Variants in BMPR2 observed in about 807,000 individuals in gnomAD.
The protein encoded by BMPR2 is bone morphogenetic protein receptor type 2.
In BMPR2, 29 loss-of-function variants were observed where a neutral mutation model predicts 100.8. The ratio of observed to expected loss-of-function variants is 0.29; its 90% CI spans 0.21 to 0.39. The LOEUF (loss-of-function observed/expected upper bound fraction) is 0.39, where lower values mean the gene tolerates loss of function less well. Among genes scored for constraint, BMPR2 ranks in the 10% least tolerant of loss-of-function variants. The pLI is 1.00. For missense variants in BMPR2, 1,011 were observed against 1,274.5 expected (o/e 0.79, Z 3.15); for synonymous variants, 382 against 442.3 (o/e 0.86, Z 1.71).
At chr2:202,400,100 C>T (rs1363979631) in intron 1 of BMPR2, among the ~76,000 whole-genome samples, 2 of 151,596 alleles carry the variant, frequency 1.3e-5, no homozygotes, top group Admixed American at 6.6e-5. Context: ...GGTGACGGAG[C>T]GAGACCCTGT....
intron 1 of BMPR2, among the ~76,000 whole-genome samples, chr2:202,458,862 A>G (rs1329264971): frequency 6.6e-6 from 1 of 152,196 alleles, no homozygotes; most frequent in Admixed American, 6.5e-5. Context: ...TTATAGAGTT[A>G]GTTTGAAAAG....
At position 202,531,128 on chromosome 2, in the gene BMPR2, C is replaced by T. The variant is rs143140089; in HGVS notation, c.1128+174C>T. Among the ~76,000 whole-genome samples the T allele has an allele frequency of 5.3e-5, 8 of 152,250 alleles. No homozygotes were observed. The East Asian group carries it at 1.4e-3, about 26-fold the overall frequency. ...GACCAGCTTGGCCAACATGGCGAAA[C>T]CCCGTCTCTACTAAAAATACAAAAA... On this transcript the variant is annotated intron_variant, in intron 8 of 12. Transcript: ENST00000374580.
intron 1 of BMPR2, among the ~76,000 whole-genome samples, chr2:202,449,634 T>A (rs1691937964): frequency 6.6e-6 from 1 of 152,200 alleles, no homozygotes; most frequent in Non-Finnish European, 1.5e-5. Flanking sequence ...ATGAGCTTCC[T>A]TGGTTAAACA....
At chr2:202,493,426 T>G (rs1692951181) in intron 3 of BMPR2, among the ~76,000 whole-genome samples, 1 of 152,130 alleles carries the variant, frequency 6.6e-6, no homozygotes, top group South Asian at 2.1e-4. Context: ...TATTTAATGG[T>G]GTTTTCTTTA....
intron 1 of BMPR2, among the ~76,000 whole-genome samples, chr2:202,445,497 G>T (rs913221567): frequency 1.3e-4 from 20 of 149,944 alleles, no homozygotes; most frequent in Admixed American, 1.3e-3. Flanking sequence ...AAAGTGCTGG[G>T]ATTACAGGGG....
chr2:202,519,456 C>G (rs560730082), intron 6 of BMPR2, among the ~76,000 whole-genome samples: 2 of 152,334 alleles, frequency 1.3e-5, no homozygotes, highest in South Asian at 2.1e-4. Flanking sequence ...TGCTGACTCA[C>G]AAACTGGATT....
At chr2:202,396,468 A>G (rs953863696) in intron 1 of BMPR2, among the ~76,000 whole-genome samples, 1 of 152,170 alleles carries the variant, frequency 6.6e-6, no homozygotes, top group East Asian at 1.9e-4. Context: ...GCTCAATGAT[A>G]CTGTTTAGGG....
chr2:202,534,191 C>T (rs1402253587), intron 9 of BMPR2, among the ~76,000 whole-genome samples: 1 of 147,380 alleles, frequency 6.8e-6, no homozygotes, highest in African/African-American at 2.5e-5. Context: ...TATACACACA[C>T]ACACACATAT....
At position 202,376,390 on chromosome 2, in the gene BMPR2, G is replaced by A. The variant is rs1024375902; in HGVS notation, c.-1085G>A. ...GAAGTGCCTCCCGGAGGGACGCAGG[G>A]TGTCTCGCCGCCTCCCTGCCCACCC... On this transcript the variant is annotated 5_prime_UTR_variant, in exon 1 of 13. It adds an upstream start codon to the 5' untranslated region. Transcript: ENST00000374580. Among the ~76,000 whole-genome samples the A allele has an allele frequency of 1.3e-5, 2 of 148,514 alleles. No individual in the cohort carries two copies. The highest frequency in any genetic ancestry group is 3.0e-5 in the Non-Finnish European group (2 of 66,820).
chr2:202,514,755 A>G (rs1218889513), intron 4 of BMPR2, 133 bp from the exon 5 acceptor site: 2 of 738,666 alleles, frequency 2.7e-6, no homozygotes, highest in Non-Finnish European at 2.3e-6. Context: ...CTTTACTCCT[A>G]TTGACATTAG....
At chr2:202,440,206 C>T (rs1307902579) in intron 1 of BMPR2, among the ~76,000 whole-genome samples, 2 of 150,816 alleles carry the variant, frequency 1.3e-5, no homozygotes, top group East Asian at 1.9e-4. Flanking sequence ...CCATCCTCAT[C>T]GTGGCCCGTT....
chr2:202,422,293 A>T (rs1172045585), intron 1 of BMPR2, among the ~76,000 whole-genome samples: 1 of 151,190 alleles, frequency 6.6e-6, no homozygotes, highest in East Asian at 2.0e-4. Flanking sequence ...GATTCAAAGT[A>T]CTCATCATAA....
chr2:202,416,414 C>G (rs1193359448), intron 1 of BMPR2, among the ~76,000 whole-genome samples: 1 of 150,550 alleles, frequency 6.6e-6, no homozygotes, highest in Non-Finnish European at 1.5e-5. Flanking sequence ...GTGTGCACTA[C>G]CACACCTGGA....
chr2:202,446,454 T>A lies in BMPR2; in HGVS notation c.77-18355T>A, dbSNP rs540997837. Among the ~76,000 whole-genome samples, 3 of 150,622 alleles carry A rather than the reference T, an allele frequency of 2.0e-5. No individual in the cohort carries two copies. In the South Asian group the frequency reaches 6.2e-4, roughly 31 times the overall value. ...TGAAATAATTTTATTTCATTAGATATGCATAATAATTTTTAGCTCTACAAT... is the reference window on the plus strand; with the variant it reads ...TGAAATAATTTTATTTCATTAGATAAGCATAATAATTTTTAGCTCTACAAT... On this transcript the variant is annotated intron_variant, in intron 1 of 12. Transcript: ENST00000374580.
intron 3 of BMPR2, among the ~76,000 whole-genome samples, chr2:202,489,944 A>C (rs1162302256): frequency 6.6e-6 from 1 of 152,180 alleles, no homozygotes; most frequent in East Asian, 1.9e-4. Context: ...TCTCATAATC[A>C]TAGGTTTGTA....
At chr2:202,444,899 G>A (rs796068946) in intron 1 of BMPR2, among the ~76,000 whole-genome samples, 2 of 150,456 alleles carry the variant, frequency 1.3e-5, no homozygotes, top group South Asian at 2.1e-4. Flanking sequence ...AGCAATTCTC[G>A]TGCCTCAGCC....
At chr2:202,480,715 A>T (rs1574470352) in intron 3 of BMPR2, among the ~76,000 whole-genome samples, 2 of 151,888 alleles carry the variant, frequency 1.3e-5, no homozygotes, top group East Asian at 3.9e-4. Flanking sequence ...GCACTTTGGG[A>T]GGCCGAGGCG....
intron 4 of BMPR2, 130 bp downstream of exon 4, chr2:202,513,959 G>A (rs1312863984): frequency 3.0e-6 from 2 of 671,488 alleles, no homozygotes; most frequent in Non-Finnish European, 5.2e-6. Context: ...AGCCTCAATA[G>A]TATCACGTAT....
chr2:202,558,954 C>T (rs1473779222), intron 12 of BMPR2, among the ~76,000 whole-genome samples: 1 of 150,166 alleles, frequency 6.7e-6, no homozygotes, highest in Non-Finnish European at 1.5e-5. Flanking sequence ...AATGTTTGTA[C>T]TCTAATATTT....
Sources: allele counts gnomAD v4.1 joint callset (sites outside exome capture counted in the v4.1 genomes callset), GRCh38; gene constraint gnomAD v4.1.1; transcripts MANE v1.5; gene names NCBI Gene and HGNC (gene_info 2026-07-23, HGNC 2026-07-21).